The following INPP4A variants were observed in gnomAD, a reference collection of about 807,000 sequenced individuals.
The protein encoded by INPP4A is inositol polyphosphate-4-phosphatase, type I, 107kD.
INPP4A carries 33 observed loss-of-function variants against 119.8 expected under a neutral mutation model. The ratio of observed to expected loss-of-function variants is 0.28; its 90% CI spans 0.21 to 0.37. The LOEUF (loss-of-function observed/expected upper bound fraction) is 0.37. Among genes scored for constraint, INPP4A ranks in the 10% least tolerant of loss-of-function variants. The probability of loss-of-function intolerance (pLI) is 1.00; values close to 1 mark genes in which losing one functional copy is unlikely to be tolerated. For missense variants in INPP4A, 956 were observed against 1,289.9 expected (o/e 0.74, Z 3.97); for synonymous variants, 496 against 500.7 (o/e 0.99, Z 0.12).
intron 24 of INPP4A, among the ~76,000 whole-genome samples, chr2:98,578,998 A>G (rs1698871099): frequency 6.6e-6 from 1 of 152,252 alleles, no homozygotes; most frequent in Non-Finnish European, 1.5e-5. Flanking sequence ...ATATTTGCAA[A>G]TAACAGTCTT....
chr2:98,573,036 T>C lies in INPP4A; in HGVS notation c.2631+109T>C, dbSNP rs868077558. 20 of 800,944 alleles carry C rather than the reference T, an allele frequency of 2.5e-5. No homozygotes were observed. In the Middle Eastern group the frequency reaches 3.4e-3, roughly 136 times the overall value. The allele number at this position is 800,944 out of a possible 1,614,324, so 49.6% of individuals were successfully genotyped here. A position where few individuals can be genotyped will look rare whatever the true frequency, so the allele number is the denominator to read the frequency against. Reference sequence around the variant, plus strand: ...AGCAGGAGAGCAGAGCTCTCCATACTGGGAGAGGAGGGAGTCACTGAGTAC... The same window carrying C: ...AGCAGGAGAGCAGAGCTCTCCATACCGGGAGAGGAGGGAGTCACTGAGTAC... On this transcript the variant is annotated intron_variant, in intron 23 of 24. Coordinates refer to ENST00000409851, the MANE Select transcript of INPP4A (RefSeq NM_001134225.2).
intron 5 of INPP4A, among the ~76,000 whole-genome samples, chr2:98,534,416 G>A (rs1015450976): frequency 1.3e-5 from 2 of 152,220 alleles, no homozygotes; most frequent in Non-Finnish European, 2.9e-5. Flanking sequence ...CTATCTGGCT[G>A]TGAGAGTCAG....
intron 4 of INPP4A, chr2:98,520,965 C>G: frequency 4.6e-6 from 2 of 437,472 alleles, no homozygotes; most frequent in Non-Finnish European, 8.0e-6. Context: ...GGCCCGCCCC[C>G]TTGGGGGTAT....
rs778661532 is a variant in INPP4A at position 98,570,835 on chromosome 2, A to T, written c.2519-1980A>T. ...AACAGGTGTTCTTGTCCTGCTCAAC[A>T]TGAGAGAGGTGAGCACAGAACCGGG... On this transcript the variant is annotated intron_variant, in intron 22 of 24. Coordinates refer to ENST00000409851, the MANE Select transcript of INPP4A (RefSeq NM_001134225.2). This position sits in a 1 kb window ranked among gnomAD's most constrained non-coding sequence, Gnocchi z 4.3. Among the ~76,000 whole-genome samples, 1 of 152,136 alleles carries T rather than the reference A, an allele frequency of 6.6e-6. No individual in the cohort carries two copies. The highest frequency in any genetic ancestry group is 1.5e-5 in the Non-Finnish European group (1 of 68,004).
intron 1 of INPP4A, among the ~76,000 whole-genome samples, chr2:98,491,604 G>T (rs1680791790): frequency 6.6e-6 from 1 of 152,208 alleles, no homozygotes; most frequent in Non-Finnish European, 1.5e-5. Context: ...AATAAGATCT[G>T]CAGTCCTGTG....
chr2:98,567,344 C>T (rs1696645185), intron 21 of INPP4A, among the ~76,000 whole-genome samples: 1 of 152,172 alleles, frequency 6.6e-6, no homozygotes, highest in African/African-American at 2.4e-5. Context: ...CAGACCCACC[C>T]ACTGAGCTCA....
Position 98,588,923 on chromosome 2 carries a change from A to T in INPP4A, c.*1315A>T, listed in dbSNP as rs376965673. ...GAACCTCTTAGAAATTCTTTTGTCT[A>T]AAAGCCTAGAGATTCTTCTGGTTCC... On this transcript the variant is annotated 3_prime_UTR_variant, in exon 25 of 25. Coordinates refer to ENST00000409851, the MANE Select transcript of INPP4A (RefSeq NM_001134225.2). 5.1e-6 allele frequency: 1 copy of T among 196,596 alleles called. No homozygotes were observed. Among genetic ancestry groups the T allele is most frequent in the Non-Finnish European group, 1.1e-5 (1 of 94,984 alleles). The allele number at this position is 196,596 out of a possible 1,614,324, so 12.2% of individuals were successfully genotyped here. A position where few individuals can be genotyped will look rare whatever the true frequency, so the allele number is the denominator to read the frequency against.
intron 1 of INPP4A, among the ~76,000 whole-genome samples, chr2:98,517,921 A>G (rs1419434565): frequency 6.6e-6 from 1 of 152,256 alleles, no homozygotes; most frequent in Non-Finnish European, 1.5e-5. Context: ...GTCCTCCAGC[A>G]ATGTGTATTC....
chr2:98,543,509 AC>A (rs1559043034), intron 10 of INPP4A, among the ~76,000 whole-genome samples: 1 of 151,998 alleles, frequency 6.6e-6, no homozygotes, highest in African/African-American at 2.4e-5. Flanking sequence ...TTTTGCCCAG[AC>A]TCAGGTGGGC....
At position 98,555,007 on chromosome 2, in the gene INPP4A, G is replaced by A. The variant is rs972440031; in HGVS notation, c.1566+518G>A. Among the ~76,000 whole-genome samples, 4 of 152,220 alleles carry A rather than the reference G, an allele frequency of 2.6e-5. No individual in the cohort carries two copies. In the East Asian group the frequency reaches 7.7e-4, roughly 29 times the overall value. ...GTGTTTCTTGAGGGAGTGACACATT[G>A]TACAACTTGTTTTTACCATTTATTG... On this transcript the variant is annotated intron_variant, in intron 15 of 24. Transcript: ENST00000409851.
chr2:98,587,879 G>C lies in INPP4A; in HGVS notation c.*271G>C. The C allele has an allele frequency of 3.2e-6, 1 of 311,154 alleles. No homozygotes were observed. The highest frequency in any genetic ancestry group is 2.1e-5 in the African/African-American group (1 of 46,882). The allele number at this position is 311,154 out of a possible 1,614,324, so 19.3% of individuals were successfully genotyped here. Reference sequence around the variant, plus strand: ...AATAGCCTTTGGCTGTAACTACACAGATCTCATCAATAGTTACCTACATGA... The same window carrying C: ...AATAGCCTTTGGCTGTAACTACACACATCTCATCAATAGTTACCTACATGA... On this transcript the variant is annotated 3_prime_UTR_variant, in exon 25 of 25. Coordinates refer to ENST00000409851, the MANE Select transcript of INPP4A (RefSeq NM_001134225.2).
intron 24 of INPP4A, among the ~76,000 whole-genome samples, chr2:98,586,676 C>T (rs1250387409): frequency 6.6e-6 from 1 of 152,206 alleles, no homozygotes; most frequent in Non-Finnish European, 1.5e-5. Flanking sequence ...CCCTGGATTG[C>T]CATGGCAACC....
At chr2:98,563,774 G>A in intron 18 of INPP4A, 137 bp downstream of exon 18, 2 of 841,744 alleles carry the variant, frequency 2.4e-6, no homozygotes, top group South Asian at 1.7e-5. Flanking sequence ...GTGCTTTAAA[G>A]GTTATTTAAT....
chr2:98,551,501 G>A (rs944381990), intron 13 of INPP4A, among the ~76,000 whole-genome samples: 2 of 152,074 alleles, frequency 1.3e-5, no homozygotes, highest in African/African-American at 2.4e-5. Flanking sequence ...TTTGGTTTTC[G>A]GTTTTTGCAT....
intron 24 of INPP4A, among the ~76,000 whole-genome samples, chr2:98,578,924 A>G (rs1436286339): frequency 6.6e-6 from 1 of 152,252 alleles, no homozygotes; most frequent in Non-Finnish European, 1.5e-5. Flanking sequence ...GTATGTACAC[A>G]TGGGCCAACC....
chr2:98,543,886 G>A lies in INPP4A; in HGVS notation c.828G>A (p.Glu276=). The part of the protein sequence containing the change: ...LLEEDAARVC[E]LEELGELSPC... The stretch of plus-strand genomic sequence containing the variant: ...TGTGTCTTGCTTTCAGAGTGTGTGA[G>A]CTGGAGGAGCTGGGAGAGCTGTCCC... The change falls in exon 11 of 25, where the codon GAG becomes GAA. Residue 276 remains glutamate (E), a synonymous_variant. Transcript: ENST00000409851. 1 of 1,613,496 alleles carries A rather than the reference G, an allele frequency of 6.2e-7. No individual in the cohort carries two copies. The highest frequency in any genetic ancestry group is 8.5e-7 in the Non-Finnish European group (1 of 1,179,684).
At chr2:98,582,877 T>C (rs957095332) in intron 24 of INPP4A, among the ~76,000 whole-genome samples, 11 of 151,512 alleles carry the variant, frequency 7.3e-5, no homozygotes, top group African/African-American at 2.4e-4. Context: ...AACAGAAAGA[T>C]CGCCTACTGC....
intron 1 of INPP4A, among the ~76,000 whole-genome samples, chr2:98,492,589 G>C (rs1015448313): frequency 2.0e-5 from 3 of 152,198 alleles, no homozygotes; most frequent in Non-Finnish European, 4.4e-5. Flanking sequence ...AGAGAGCGGG[G>C]CTCTAGAGAC....
intron 1 of INPP4A, among the ~76,000 whole-genome samples, chr2:98,482,792 A>G (rs897257017): frequency 2.6e-5 from 4 of 152,230 alleles, no homozygotes; most frequent in Non-Finnish European, 5.9e-5. Flanking sequence ...AAAAAATTAT[A>G]CTTACATTGC....
Sources: gnomAD v4.1 joint callset for allele counts (sites outside exome capture counted in the v4.1 genomes callset) on GRCh38, gnomAD v4.1.1 for gene constraint, Gnocchi (gnomAD v3.1) non-coding constraint, MANE v1.5 for transcripts, NCBI Gene and HGNC (gene_info 2026-07-23, HGNC 2026-07-21) for gene names.